The following CTNNA3 variants were observed in gnomAD, a reference collection of about 807,000 sequenced individuals.
CTNNA3 encodes catenin alpha 3.
A neutral mutation model predicts 95.7 loss-of-function variants in CTNNA3; 76 were observed. That is an observed-to-expected ratio of 0.79 (90% CI 0.66 to 0.96). The LOEUF is 0.96. CTNNA3 is among the 40% of genes least tolerant of loss of function. The pLI is 0.00. For synonymous variants in CTNNA3, 431 were observed against 374.4 expected (o/e 1.15, Z -1.74); for missense variants, 1,191 against 1,089.8 (o/e 1.09, Z -1.31).
chr10:67,442,230 C>CA (rs1276703764), intron 5 of CTNNA3, among the ~76,000 whole-genome samples: 1 of 150,922 alleles, frequency 6.6e-6, no homozygotes, highest in Admixed American at 6.6e-5. Context: ...AACAAATACA[C>CA]AAAAAAATAA....
chr10:66,897,760 C>G (rs1273246660), intron 7 of CTNNA3, among the ~76,000 whole-genome samples: 2 of 151,980 alleles, frequency 1.3e-5, no homozygotes, highest in Non-Finnish European at 2.9e-5. Context: ...AAATTGAAAA[C>G]AAAAACCTAT....
At chr10:66,302,548 T>C (rs184515554) in intron 12 of CTNNA3, among the ~76,000 whole-genome samples, 1 of 152,240 alleles carries the variant, frequency 6.6e-6, no homozygotes, top group East Asian at 1.9e-4. Flanking sequence ...TGCAATGTGA[T>C]ATTCTGGAAC....
At chr10:66,040,406 A>G (rs767416587) in intron 15 of CTNNA3, among the ~76,000 whole-genome samples, 7 of 152,060 alleles carry the variant, frequency 4.6e-5, no homozygotes, top group Admixed American at 1.3e-4. Context: ...AAATTGTTCT[A>G]TTGTAAAGAT....
intron 4 of CTNNA3, among the ~76,000 whole-genome samples, chr10:67,525,193 AC>A (rs1269020956): frequency 6.6e-6 from 1 of 151,842 alleles, no homozygotes; most frequent in African/African-American, 2.4e-5. Flanking sequence ...CCAAACTCAA[AC>A]TTTAAAAAGC....
chr10:65,973,644 G>A lies in CTNNA3; in HGVS notation c.2266-6898C>T, dbSNP rs187946408. 1.9e-4 allele frequency among the ~76,000 whole-genome samples: 29 copies of A among 152,186 alleles called. No individual in the cohort carries two copies. The South Asian group carries it at 3.1e-3, about 16-fold the overall frequency. On this transcript the variant is annotated intron_variant, in intron 16 of 17. Coordinates refer to ENST00000433211, the MANE Select transcript of CTNNA3 (RefSeq NM_013266.4). ...GTTCTGCAGGATATACAAGCATTGCGTTGGCATCCACTTGGCTTTGGGGTG... is the reference window on the plus strand; with the variant it reads ...GTTCTGCAGGATATACAAGCATTGCATTGGCATCCACTTGGCTTTGGGGTG...
chr10:66,929,196 G>T (rs943125143), intron 7 of CTNNA3, among the ~76,000 whole-genome samples: 3 of 152,120 alleles, frequency 2.0e-5, no homozygotes, highest in African/African-American at 7.2e-5. Flanking sequence ...CAGACTAGAG[G>T]TTTCACTGCC....
intron 7 of CTNNA3, among the ~76,000 whole-genome samples, chr10:67,080,940 A>T (rs1454609808): frequency 3.4e-5 from 5 of 144,960 alleles, no homozygotes; most frequent in Admixed American, 2.1e-4. Context: ...AAACAACAAA[A>T]AAAAAAAAAC....
intron 13 of CTNNA3, among the ~76,000 whole-genome samples, chr10:66,249,567 A>G (rs890981370): frequency 6.6e-6 from 1 of 152,212 alleles, no homozygotes; most frequent in Non-Finnish European, 1.5e-5. Context: ...TGCAAATCAA[A>G]ACTATAATGA....
At chr10:67,108,433 C>G (rs1174675449) in intron 7 of CTNNA3, among the ~76,000 whole-genome samples, 1 of 151,900 alleles carries the variant, frequency 6.6e-6, no homozygotes, top group Non-Finnish European at 1.5e-5. Context: ...ATATTTTATA[C>G]TATATAATGA....
intron 7 of CTNNA3, among the ~76,000 whole-genome samples, chr10:66,959,236 T>C (rs1848991513): frequency 6.6e-6 from 1 of 152,166 alleles, no homozygotes; most frequent in Non-Finnish European, 1.5e-5. Context: ...CCTCTTCCTC[T>C]CTATAGAATT....
At chr10:66,246,849 A>G (rs4746561) in intron 13 of CTNNA3, among the ~76,000 whole-genome samples, 122,392 of 151,494 alleles carry the variant, frequency 0.81, 49,785 homozygotes, top group South Asian at 0.94. Flanking sequence ...TCAAGAGATC[A>G]AGACCATCCT....
intron 5 of CTNNA3, among the ~76,000 whole-genome samples, chr10:67,387,169 G>C (rs915243024): frequency 6.6e-6 from 1 of 152,134 alleles, no homozygotes. Flanking sequence ...ACTAGGGAGT[G>C]CCAGACAGTG....
At chr10:66,724,286 T>G (rs1402457951) in intron 9 of CTNNA3, among the ~76,000 whole-genome samples, 1 of 152,202 alleles carries the variant, frequency 6.6e-6, no homozygotes, top group East Asian at 1.9e-4. Context: ...TTTCTCACAT[T>G]GATTAAATAC....
chr10:67,684,493 A>G (rs1840691662), intron 1 of CTNNA3, among the ~76,000 whole-genome samples: 1 of 152,162 alleles, frequency 6.6e-6, no homozygotes, highest in Non-Finnish European at 1.5e-5. Flanking sequence ...CCAACCCAGA[A>G]GCCCAGCCGG....
chr10:66,493,361 A>C (rs1243641389), intron 11 of CTNNA3, among the ~76,000 whole-genome samples: 1 of 152,186 alleles, frequency 6.6e-6, no homozygotes. Context: ...AAGGCAATGC[A>C]CTGAAAACAG....
chr10:66,492,143 G>A (rs1335959697), intron 11 of CTNNA3, among the ~76,000 whole-genome samples: 2 of 152,014 alleles, frequency 1.3e-5, no homozygotes, highest in African/African-American at 4.8e-5. Flanking sequence ...AGAAAATCTT[G>A]ACTATACCTA....
chr10:67,139,268 G>C (rs1291366947), intron 7 of CTNNA3, among the ~76,000 whole-genome samples: 1 of 150,766 alleles, frequency 6.6e-6, no homozygotes, highest in Non-Finnish European at 1.5e-5. Flanking sequence ...GAATAGCTAG[G>C]ACTACAGGCA....
intron 7 of CTNNA3, among the ~76,000 whole-genome samples, chr10:67,011,643 T>C (rs1225337624): frequency 3.3e-5 from 5 of 152,192 alleles, no homozygotes; most frequent in Non-Finnish European, 7.3e-5. Flanking sequence ...TATGTGTAAC[T>C]TTAATAATGA....
At position 67,219,829 on chromosome 10, in the gene CTNNA3, G is replaced by T; in HGVS notation, c.621C>A (p.Ala207=). Reference sequence around the variant, plus strand: ...GAGAGTTCTCCTTCAGTGAAGCTCGGGCTCCTGCAATTTCATCTCTCTGAT... The same window carrying T: ...GAGAGTTCTCCTTCAGTGAAGCTCGTGCTCCTGCAATTTCATCTCTCTGAT... ...SPNQRDEIAG[A]RASLKENSPL... is the part of the protein sequence containing the mutation. Residue 207 remains alanine (A), a synonymous_variant, in exon 6 of 18, where the codon GCC becomes GCA. Transcript: ENST00000433211. 1.2e-6 allele frequency: 2 copies of T among 1,612,806 alleles called. No homozygotes were observed. Among genetic ancestry groups the T allele is most frequent in the South Asian group, 2.2e-5 (2 of 90,830 alleles).
Sources: allele counts gnomAD v4.1 joint callset (sites outside exome capture counted in the v4.1 genomes callset), GRCh38; gene constraint gnomAD v4.1.1; transcripts MANE v1.5; gene names NCBI Gene and HGNC (gene_info 2026-07-23, HGNC 2026-07-21).